Variants in FLACC1 observed in about 807,000 individuals in gnomAD.
FLACC1 encodes the protein flagellum associated containing coiled-coil domains 1.
Under a neutral mutation model 62.8 loss-of-function variants are expected in FLACC1, and 66 were observed. The ratio of observed to expected loss-of-function variants is 1.05; its 90% CI spans 0.86 to 1.29. The LOEUF (loss-of-function observed/expected upper bound fraction) is 1.29, where lower values mean the gene tolerates loss of function less well. Ranked by LOEUF, FLACC1 falls within the 50% of genes most tolerant of loss-of-function variation. FLACC1 has a pLI of 0.00. For missense variants in FLACC1, 452 were observed against 489.1 expected, an observed-to-expected ratio of 0.92 and a Z score of 0.71; for synonymous variants, 156 against 161.0, an observed-to-expected ratio of 0.97 and a Z score of 0.24.
At chr2:201,319,752 A>C (rs973236298) in intron 9 of FLACC1, among the ~76,000 whole-genome samples, 2 of 152,254 alleles carry the variant, frequency 1.3e-5, no homozygotes, top group African/African-American at 4.8e-5. Context: ...GTTTTTCCAA[A>C]ATGGCAGATT....
At chr2:201,344,028 A>G (rs928925918) in intron 6 of FLACC1, 142 bp downstream of exon 6, 4 of 659,518 alleles carry the variant, frequency 6.1e-6, no homozygotes, top group Non-Finnish European at 1.0e-5. Context: ...TGAGTGACAC[A>G]GTCCAATCTT....
intron 6 of FLACC1, among the ~76,000 whole-genome samples, chr2:201,343,890 T>C (rs1245624022): frequency 6.6e-6 from 1 of 152,194 alleles, no homozygotes; most frequent in Non-Finnish European, 1.5e-5. Flanking sequence ...TGCACCCTAG[T>C]GTGAGGAGGA....
chr2:201,350,412 C>T (rs1951001485), intron 3 of FLACC1, among the ~76,000 whole-genome samples: 1 of 152,002 alleles, frequency 6.6e-6, no homozygotes, highest in South Asian at 2.1e-4. Context: ...GGTGCAGTGG[C>T]TCACACCTGT....
At chr2:201,304,798 T>A (rs143828576) in intron 11 of FLACC1, among the ~76,000 whole-genome samples, 127 of 152,292 alleles carry the variant, frequency 8.3e-4, no homozygotes, top group Non-Finnish European at 1.5e-3. Flanking sequence ...AACAATCTGA[T>A]CTTTGACAAA....
At chr2:201,303,667 G>C (rs1171117626) in intron 11 of FLACC1, among the ~76,000 whole-genome samples, 1 of 152,166 alleles carries the variant, frequency 6.6e-6, no homozygotes, top group Non-Finnish European at 1.5e-5. Flanking sequence ...GAACATCGAT[G>C]CAAAAATCCT....
upstream of FLACC1, chr2:201,357,401 A>T (rs1186320953): frequency 2.0e-5 from 3 of 152,228 alleles, no homozygotes; most frequent in East Asian, 1.9e-4. Flanking sequence ...GTTGCTATGG[A>T]CACAGAACAG....
At chr2:201,349,947 A>T (rs1276500008) in intron 3 of FLACC1, among the ~76,000 whole-genome samples, 1 of 152,234 alleles carries the variant, frequency 6.6e-6, no homozygotes, top group Admixed American at 6.5e-5. Context: ...CCCAAAATCT[A>T]CATGTAGGAT....
intron 9 of FLACC1, among the ~76,000 whole-genome samples, chr2:201,309,877 A>G (rs1005489968): frequency 7.5e-6 from 1 of 133,616 alleles, no homozygotes; most frequent in Non-Finnish European, 1.6e-5. Flanking sequence ...ACTGCACTCC[A>G]GCCTGGTGAC....
intron 9 of FLACC1, among the ~76,000 whole-genome samples, chr2:201,313,676 C>T (rs1950258563): frequency 6.6e-6 from 1 of 152,044 alleles, no homozygotes; most frequent in Non-Finnish European, 1.5e-5. Flanking sequence ...TTCTAGGGCC[C>T]CACCCACCGC....
chr2:201,330,992 CAG>C (rs1450806100), intron 7 of FLACC1, among the ~76,000 whole-genome samples, 159 bp from the exon 8 acceptor site: 1 of 140,154 alleles, frequency 7.1e-6, no homozygotes, highest in African/African-American at 2.7e-5. Flanking sequence ...TTTTTTGAGT[CAG>C]AGTCTCCCTC....
intron 12 of FLACC1, among the ~76,000 whole-genome samples, chr2:201,292,743 C>G (rs1454503987): frequency 6.6e-6 from 1 of 151,836 alleles, no homozygotes; most frequent in Non-Finnish European, 1.5e-5. Context: ...ATTGGATAGT[C>G]AAGACCCATC....
At chr2:201,314,035 C>T (rs12612166) in intron 9 of FLACC1, among the ~76,000 whole-genome samples, 50,914 of 151,968 alleles carry the variant, frequency 0.34, 10,112 homozygotes, top group East Asian at 0.48. Context: ...ATCAAGAGAA[C>T]ACGCCATAGG....
At chr2:201,300,669 C>T (rs536800243) in intron 11 of FLACC1, among the ~76,000 whole-genome samples, 4 of 152,138 alleles carry the variant, frequency 2.6e-5, no homozygotes, top group African/African-American at 4.8e-5. Flanking sequence ...TGGGAGGCAC[C>T]GCCCAGTAGG....
At chr2:201,298,396 T>A (rs1949909629) in intron 12 of FLACC1, among the ~76,000 whole-genome samples, 6 of 152,060 alleles carry the variant, frequency 3.9e-5, no homozygotes, top group Admixed American at 3.9e-4. Flanking sequence ...AACACCAAAA[T>A]GACTGACATC....
chr2:201,291,569 A>G (rs1287580336), intron 12 of FLACC1, among the ~76,000 whole-genome samples: 3 of 152,224 alleles, frequency 2.0e-5, no homozygotes, highest in Admixed American at 6.5e-5. Flanking sequence ...AACCACAAAG[A>G]TGGGGAAAAA....
intron 7 of FLACC1, 129 bp from the exon 8 acceptor site, chr2:201,330,962 T>A (rs1179279668): frequency 6.5e-6 from 4 of 612,376 alleles, no homozygotes; most frequent in Non-Finnish European, 1.0e-5. Flanking sequence ...ATTTTTAAAA[T>A]TTTTAAATCT....
At chr2:201,361,261 A>G (rs534591542), upstream of FLACC1, among the ~76,000 whole-genome samples, 4 of 152,308 alleles carry the variant, frequency 2.6e-5, no homozygotes, top group South Asian at 8.3e-4. Flanking sequence ...GACTGTGCCC[A>G]AATACTGTAA....
At position 201,326,518 on chromosome 2, in the gene FLACC1, G is replaced by A. The variant is rs895014941; in HGVS notation, c.675+3952C>T. ...ACACATATCAGTAGCACTGCTATAC[G>A]CTAACAACGACCAAGCTGAGAATCA... On this transcript the variant is annotated intron_variant, in intron 9 of 14. Transcript: ENST00000392257. The surrounding 1 kb of genome is among the most constrained non-coding windows in gnomAD (Gnocchi z 4.1). Among the ~76,000 whole-genome samples the A allele has an allele frequency of 1.3e-5, 2 of 152,064 alleles. No individual in the cohort carries two copies. The highest frequency in any genetic ancestry group is 2.9e-5 in the Non-Finnish European group (2 of 67,988).
chr2:201,299,348 A>G (rs1360591893), intron 11 of FLACC1, 48 bp from the exon 12 acceptor site: 2 of 1,507,786 alleles, frequency 1.3e-6, no homozygotes, highest in African/African-American at 1.4e-5. Context: ...GTTCTGGCAC[A>G]TCTTCTAGGG....
Sources: allele counts gnomAD v4.1 joint callset (sites outside exome capture counted in the v4.1 genomes callset), GRCh38; gene constraint gnomAD v4.1.1; non-coding constraint Gnocchi (gnomAD v3.1); transcripts MANE v1.5; gene names NCBI Gene and HGNC (gene_info 2026-07-23, HGNC 2026-07-21).